RBFOX1: variants seen among roughly 807,000 people sequenced by gnomAD.
RBFOX1 encodes RNA binding protein fox-1 homolog 1.
RBFOX1 carries 8 observed loss-of-function variants against 57.7 expected under a neutral mutation model. The ratio of observed to expected loss-of-function variants is 0.14; its 90% confidence interval spans 0.08 to 0.25. RBFOX1 has a LOEUF of 0.25. Among genes scored for constraint, RBFOX1 ranks in the 10% least tolerant of loss-of-function variants. The probability of loss-of-function intolerance (pLI) is 1.00; values close to 1 mark genes in which losing one functional copy is unlikely to be tolerated. For synonymous variants in RBFOX1, 326 were observed against 222.4 expected (o/e 1.47, Z -4.15); for missense variants, 611 against 548.5 (o/e 1.11, Z -1.14).
chr16:7,442,482 G>A (rs1449069678), intron 4 of RBFOX1, among the ~76,000 whole-genome samples: 1 of 152,166 alleles, frequency 6.6e-6, no homozygotes, highest in African/African-American at 2.4e-5. Flanking sequence ...GCTCAAGGAG[G>A]TTGGGCAGGG....
chr16:6,849,370 A>T (rs1244231675), intron 3 of RBFOX1, among the ~76,000 whole-genome samples: 1 of 152,214 alleles, frequency 6.6e-6, no homozygotes. Flanking sequence ...TATACTTTAG[A>T]TAGAACTGAA....
rs115274524 is a variant in RBFOX1, at chr16:6,800,290, C to T, written c.-16+145640C>T. Among the ~76,000 whole-genome samples the T allele has an allele frequency of 3.6e-3, 540 of 151,568 alleles. 5 individuals are homozygous for T. The highest frequency in any genetic ancestry group is 0.012 in the African/African-American group (490 of 40,882). Reference sequence around the variant, plus strand: ...TTGAAAACCCAGCACCCTGGAAACACCTTAGTCCTGGGCCAACCAGACGGG... The same window carrying T: ...TTGAAAACCCAGCACCCTGGAAACATCTTAGTCCTGGGCCAACCAGACGGG... On this transcript the variant is annotated intron_variant, in intron 3 of 15. Transcript: ENST00000550418.
intron 5 of RBFOX1, among the ~76,000 whole-genome samples, chr16:7,538,512 G>A (rs1476259930): frequency 6.6e-6 from 1 of 152,118 alleles, no homozygotes; most frequent in Non-Finnish European, 1.5e-5. Context: ...TGCTTACTGT[G>A]TAACTGGCAC....
intron 3 of RBFOX1, among the ~76,000 whole-genome samples, chr16:6,829,864 A>C (rs868806759): frequency 8.8e-4 from 134 of 152,252 alleles, no homozygotes; most frequent in African/African-American, 3.0e-3. Context: ...GGCCTCCCAA[A>C]GTGCTGGGAT....
chr16:5,469,680 A>G (rs1389748961), intron 2 of RBFOX1, among the ~76,000 whole-genome samples: 2 of 151,888 alleles, frequency 1.3e-5, no homozygotes, highest in Non-Finnish European at 2.9e-5. Context: ...CTCCATCCCC[A>G]GCCCCTGACA....
At chr16:5,836,618 C>T (rs1028919208) in intron 3 of RBFOX1, among the ~76,000 whole-genome samples, 2 of 152,198 alleles carry the variant, frequency 1.3e-5, no homozygotes, top group Admixed American at 6.5e-5. Context: ...CCACCCTGTC[C>T]CAGGATTTCT....
At chr16:7,370,349 C>T (rs1036549515) in intron 4 of RBFOX1, among the ~76,000 whole-genome samples, 5 of 152,162 alleles carry the variant, frequency 3.3e-5, no homozygotes, top group African/African-American at 1.2e-4. Context: ...TAACTAGGGC[C>T]TAACTGCAGT....
intron 1 of RBFOX1, among the ~76,000 whole-genome samples, chr16:6,165,855 G>A (rs539345799): frequency 1.3e-5 from 2 of 152,290 alleles, no homozygotes; most frequent in South Asian, 4.1e-4. Context: ...AAGGTGAAGG[G>A]AAAAGGAGAG....
intron 4 of RBFOX1, among the ~76,000 whole-genome samples, chr16:5,996,340 T>C (rs1022502561): frequency 2.0e-5 from 3 of 152,096 alleles, no homozygotes; most frequent in Non-Finnish European, 4.4e-5. Flanking sequence ...TTGAAACCCA[T>C]GAGAACCCAG....
At chr16:6,616,153 A>G (rs2098138036) in intron 2 of RBFOX1, among the ~76,000 whole-genome samples, 1 of 152,000 alleles carries the variant, frequency 6.6e-6, no homozygotes, top group Non-Finnish European at 1.5e-5. Flanking sequence ...GCAGGAGCAA[A>G]TTTTTCATCA....
chr16:5,806,836 G>C (rs142609513), intron 3 of RBFOX1, among the ~76,000 whole-genome samples: 1 of 152,202 alleles, frequency 6.6e-6, no homozygotes, highest in Admixed American at 6.5e-5. Context: ...CCTTCACGTC[G>C]TCAGGGGCTC....
At chr16:5,991,095 T>C (rs1051413235) in intron 4 of RBFOX1, among the ~76,000 whole-genome samples, 3 of 152,274 alleles carry the variant, frequency 2.0e-5, no homozygotes, top group Non-Finnish European at 4.4e-5. Context: ...AAGCATTCTT[T>C]GTGTGCTTGG....
chr16:7,051,360 T>C (rs890661137), intron 3 of RBFOX1, among the ~76,000 whole-genome samples: 3 of 152,222 alleles, frequency 2.0e-5, no homozygotes, highest in African/African-American at 4.8e-5. Flanking sequence ...ATAAATTATA[T>C]GGCCACTCCA....
chr16:5,772,681 A>T (rs554397992), intron 3 of RBFOX1, among the ~76,000 whole-genome samples: 67 of 152,276 alleles, frequency 4.4e-4, no homozygotes, highest in African/African-American at 1.4e-3. Context: ...ATAAGGAGAA[A>T]CGATAGTTTG....
At chr16:6,374,345 G>T (rs1339123091) in intron 2 of RBFOX1, among the ~76,000 whole-genome samples, 1 of 152,184 alleles carries the variant, frequency 6.6e-6, no homozygotes, top group Non-Finnish European at 1.5e-5. Context: ...GAATAGGCTA[G>T]AAAGAATTCC....
intron 4 of RBFOX1, among the ~76,000 whole-genome samples, chr16:7,182,620 G>A (rs751495215): frequency 6.6e-6 from 1 of 152,168 alleles, no homozygotes; most frequent in Non-Finnish European, 1.5e-5. Context: ...GGAAAATTTA[G>A]CTTTAAAATA....
chr16:6,736,533 C>A (rs902056704), intron 3 of RBFOX1, among the ~76,000 whole-genome samples: 5 of 152,162 alleles, frequency 3.3e-5, no homozygotes, highest in African/African-American at 7.2e-5. Context: ...TATATACATA[C>A]CTCAATTTCT....
chr16:5,746,741 G>C (rs944888220), intron 3 of RBFOX1, among the ~76,000 whole-genome samples: 10 of 152,292 alleles, frequency 6.6e-5, no homozygotes, highest in African/African-American at 2.4e-4. Context: ...CTCTCTGTTT[G>C]TCTGCTACTG....
intron 1 of RBFOX1, among the ~76,000 whole-genome samples, chr16:5,418,626 C>G (rs2067224583): frequency 6.6e-6 from 1 of 152,106 alleles, no homozygotes; most frequent in African/African-American, 2.4e-5. Context: ...ACTTCCTAAC[C>G]ACCCCGCCAT....
Sources: gnomAD v4.1 joint callset for allele counts (sites outside exome capture counted in the v4.1 genomes callset) on GRCh38, gnomAD v4.1.1 for gene constraint, MANE v1.5 for transcripts, NCBI Gene and HGNC (gene_info 2026-07-23, HGNC 2026-07-21) for gene names.